NPAS2: variants seen among roughly 807,000 people sequenced by gnomAD.
NPAS2 encodes neuronal PAS domain protein 2.
In NPAS2, 23 loss-of-function variants were observed where a neutral mutation model predicts 107.5. The ratio of observed to expected loss-of-function variants is 0.21; its 90% CI spans 0.15 to 0.30. NPAS2 has a LOEUF of 0.30. Among genes scored for constraint, NPAS2 ranks in the 10% least tolerant of loss-of-function variants. The pLI is 1.00. For missense variants in NPAS2, 756 were observed against 1,043.3 expected (o/e 0.72, Z 3.79); for synonymous variants, 403 against 417.5 (o/e 0.97, Z 0.42).
At chr2:100,964,035 T>C in intron 7 of NPAS2, 23 bp from the exon 8 acceptor site, 1 of 1,506,070 alleles carries the variant, frequency 6.6e-7, no homozygotes, top group Non-Finnish European at 9.2e-7. Flanking sequence ...AACCTATGTG[T>C]CCTCTTCTTC....
rs569247172 is a variant in NPAS2, at chr2:100,931,184, C to T, written c.182-1726C>T. On this transcript the variant is annotated intron_variant, in intron 3 of 20. Transcript: ENST00000335681. The stretch of plus-strand genomic sequence containing the variant: ...CGACACTGGACGTTTCCCCACAGCG[C>T]GGCCCTCCCTCCAGGGGCCCTCTCA... 1.3e-3 allele frequency among the ~76,000 whole-genome samples: 203 copies of T among 152,310 alleles called. 1 individual carries two copies. Among genetic ancestry groups the T allele is most frequent in the Non-Finnish European group, 7.1e-4 (48 of 68,030 alleles).
chr2:100,974,400 G>T (rs2105224132), intron 12 of NPAS2, among the ~76,000 whole-genome samples: 1 of 152,266 alleles, frequency 6.6e-6, no homozygotes, highest in Non-Finnish European at 1.5e-5. Context: ...ACCCAGGAAG[G>T]TCCAAAGGCA....
At chr2:100,913,362 T>A (rs1682671787) in intron 2 of NPAS2, among the ~76,000 whole-genome samples, 3 of 152,234 alleles carry the variant, frequency 2.0e-5, no homozygotes, top group Non-Finnish European at 4.4e-5. Context: ...TTTGGTCAAC[T>A]GTCTTTGATT....
chr2:100,837,929 A>G (rs1487492977), intron 1 of NPAS2, among the ~76,000 whole-genome samples: 1 of 152,132 alleles, frequency 6.6e-6, no homozygotes, highest in Non-Finnish European at 1.5e-5. Context: ...CCATCATTTT[A>G]CAGAAGGGGA....
intron 1 of NPAS2, among the ~76,000 whole-genome samples, chr2:100,904,391 G>A (rs886132166): frequency 2.0e-5 from 3 of 152,266 alleles, no homozygotes; most frequent in African/African-American, 4.8e-5. Context: ...TAATTAACTC[G>A]TTATTTGCTC....
chr2:100,924,665 G>A (rs1044826127), intron 2 of NPAS2, among the ~76,000 whole-genome samples: 10 of 152,202 alleles, frequency 6.6e-5, no homozygotes, highest in Non-Finnish European at 1.3e-4. Context: ...CCAACAGGGC[G>A]ATGAGCTCTT....
At chr2:100,975,103 G>A (rs923691170) in intron 13 of NPAS2, among the ~76,000 whole-genome samples, 159 bp downstream of exon 13, 5 of 152,182 alleles carry the variant, frequency 3.3e-5, no homozygotes, top group African/African-American at 9.6e-5. Flanking sequence ...CAGACTTCCC[G>A]CCTCCTGATC....
At chr2:100,865,032 C>T (rs748854066) in intron 1 of NPAS2, among the ~76,000 whole-genome samples, 1 of 152,140 alleles carries the variant, frequency 6.6e-6, no homozygotes, top group African/African-American at 2.4e-5. Flanking sequence ...ATATCACGTG[C>T]CAGTGTCCTC....
At chr2:100,962,216 G>A (rs144774090) in intron 7 of NPAS2, among the ~76,000 whole-genome samples, 10 of 152,178 alleles carry the variant, frequency 6.6e-5, no homozygotes, top group Admixed American at 2.0e-4. Context: ...TAGTATTTAT[G>A]TGAATGAATT....
chr2:100,922,654 G>T (rs550128007), intron 2 of NPAS2, among the ~76,000 whole-genome samples: 2 of 152,188 alleles, frequency 1.3e-5, no homozygotes, highest in African/African-American at 2.4e-5. Context: ...CCCAGTGTCT[G>T]TGTGTGGTGG....
At chr2:100,907,462 G>A (rs1682231822) in intron 2 of NPAS2, among the ~76,000 whole-genome samples, 1 of 147,134 alleles carries the variant, frequency 6.8e-6, no homozygotes, top group African/African-American at 2.5e-5. Context: ...AAATAGCAAG[G>A]ACGCAGTACC....
At chr2:100,887,650 C>T (rs1015377519) in intron 1 of NPAS2, among the ~76,000 whole-genome samples, 1 of 152,094 alleles carries the variant, frequency 6.6e-6, no homozygotes, top group Non-Finnish European at 1.5e-5. Context: ...TGTCAATTTA[C>T]ACAGTTGTTT....
In NPAS2 at chr2:100,973,666, G is replaced by A. The variant is rs564914283; in HGVS notation, c.1141-1137G>A. Among the ~76,000 whole-genome samples, 28 of 152,242 alleles carry A rather than the reference G, an allele frequency of 1.8e-4. 1 individual carries two copies. The highest frequency in any genetic ancestry group is 6.2e-4 in the South Asian group (3 of 4,824). On this transcript the variant is annotated intron_variant, in intron 12 of 20. Transcript: ENST00000335681. ...GTGACACAAAAGACAAAACGGCCAC[G>A]CAGACGCACGCATGGGATTTCATAC...
intron 1 of NPAS2, among the ~76,000 whole-genome samples, chr2:100,886,349 A>ACATAAAAG (rs1310386515): frequency 5.3e-5 from 8 of 152,244 alleles, no homozygotes; most frequent in African/African-American, 1.9e-4. Flanking sequence ...CGAGGTCTGC[A>ACATAAAAG]CATAAAAGGA....
intron 12 of NPAS2, among the ~76,000 whole-genome samples, chr2:100,971,332 T>G (rs1252702333): frequency 6.8e-6 from 1 of 147,172 alleles, no homozygotes; most frequent in East Asian, 2.0e-4. Flanking sequence ...CCTGCAGAGC[T>G]GGGCTAGACA....
At chr2:100,941,786 A>T (rs1249731500) in intron 5 of NPAS2, among the ~76,000 whole-genome samples, 1 of 152,120 alleles carries the variant, frequency 6.6e-6, no homozygotes, top group Non-Finnish European at 1.5e-5. Flanking sequence ...GCTGAGGCAG[A>T]ACCAAATGAG....
intron 1 of NPAS2, among the ~76,000 whole-genome samples, chr2:100,866,195 A>G (rs1679241898): frequency 6.6e-6 from 1 of 152,140 alleles, no homozygotes; most frequent in African/African-American, 2.4e-5. Context: ...TGATGGGGAG[A>G]GAACAGTTGA....
intron 7 of NPAS2, among the ~76,000 whole-genome samples, chr2:100,955,776 G>A (rs992314910): frequency 2.0e-5 from 3 of 152,080 alleles, no homozygotes; most frequent in South Asian, 2.1e-4. Flanking sequence ...ACATCAAGCC[G>A]CCTCCTCACT....
At chr2:100,907,785 A>G (rs747634078) in intron 2 of NPAS2, among the ~76,000 whole-genome samples, 3 of 152,174 alleles carry the variant, frequency 2.0e-5, no homozygotes, top group Non-Finnish European at 4.4e-5. Flanking sequence ...GCACGGTTCC[A>G]CTTTCTTCCG....
Sources: allele counts gnomAD v4.1 joint callset (sites outside exome capture counted in the v4.1 genomes callset), GRCh38; gene constraint gnomAD v4.1.1; transcripts MANE v1.5; gene names NCBI Gene and HGNC (gene_info 2026-07-23, HGNC 2026-07-21).